NXPE3: variants seen among roughly 807,000 people sequenced by gnomAD.
The protein encoded by NXPE3 is neurexophilin and PC-esterase domain family member 3, also known as NXPE family member 3.
NXPE3 carries 26 observed loss-of-function variants against 46.1 expected under a neutral mutation model. That is an observed-to-expected ratio of 0.56 (90% confidence interval 0.41 to 0.78). The LOEUF (loss-of-function observed/expected upper bound fraction) is 0.78. Among genes scored for constraint, NXPE3 ranks in the 30% least tolerant of loss-of-function variants. The pLI, the probability that NXPE3 is intolerant of heterozygous loss-of-function variation, is 0.00. For synonymous variants in NXPE3, 272 were observed against 257.9 expected, an observed-to-expected ratio of 1.05 and a Z score of -0.52; for missense variants, 620 against 686.0, an observed-to-expected ratio of 0.90 and a Z score of 1.07.
chr3:101,788,639 G>C (rs565253706), intron 4 of NXPE3, among the ~76,000 whole-genome samples: 107 of 151,202 alleles, frequency 7.1e-4, no homozygotes, highest in Non-Finnish European at 4.4e-5. Context: ...TTTTTGAGAC[G>C]GAGTCTTGCT....
intron 6 of NXPE3, among the ~76,000 whole-genome samples, chr3:101,815,111 TCTACA>T (rs1230148806): frequency 2.0e-5 from 3 of 152,246 alleles, no homozygotes; most frequent in African/African-American, 7.2e-5. Context: ...TGTGGCATTT[TCTACA>T]GGAGGTGTTA....
rs1462404053 is a variant in NXPE3 at position 101,821,623 on chromosome 3, C to G, written c.1349C>G (p.Thr450Ser). 2 of 1,614,096 alleles carry G rather than the reference C, an allele frequency of 1.2e-6. No individual in the cohort carries two copies. The highest frequency in any genetic ancestry group is 2.2e-5 in the East Asian group (1 of 44,896). Residue 450 changes from threonine to serine, a missense_variant, in exon 8 of 8, where the codon ACC becomes AGC. Coordinates refer to ENST00000273347, the MANE Select transcript of NXPE3 (RefSeq NM_145037.4). ...VAIAVWSHFS[T>S]FPLEVYIRRL... ...ATAGCTGTATGGTCTCACTTCAGCACCTTCCCTTTGGAAGTGTACATCCGG... is the reference window on the plus strand; with the variant it reads ...ATAGCTGTATGGTCTCACTTCAGCAGCTTCCCTTTGGAAGTGTACATCCGG...
At position 101,785,819 on chromosome 3, in the gene NXPE3, A is replaced by G; in HGVS notation, c.93+130A>G. The G allele has an allele frequency of 4.1e-6, 3 of 733,474 alleles. No homozygotes were observed. In the South Asian group the frequency reaches 4.6e-5, roughly 11 times the overall value. The allele number at this position is 733,474 out of a possible 1,614,324, so 45.4% of individuals were successfully genotyped here. A position where few individuals can be genotyped will look rare whatever the true frequency, so the allele number is the denominator to read the frequency against. On this transcript the variant is annotated intron_variant, in intron 4 of 7. Transcript: ENST00000273347. ...AGTTCTTGTTTTCATTTATTCGGTA[A>G]GTATTTGCGTGCTCACAATGGTTAT...
At position 101,821,729 on chromosome 3, in the gene NXPE3, C is replaced by T. The variant is rs763150196; in HGVS notation, c.1455C>T (p.Asn485=). The change falls in exon 8 of 8, where the codon AAC becomes AAT. Residue 485 remains asparagine, a synonymous_variant. Coordinates refer to ENST00000273347, the MANE Select transcript of NXPE3 (RefSeq NM_145037.4). ...CCGTGGTGGTCATCCGGACGGCCAA[C>T]GCCCAAGAGCTGGGACCTGAGGTGA... ...PKTVVVIRTA[N]AQELGPEVSL... 22 of 1,614,102 alleles carry T rather than the reference C, an allele frequency of 1.4e-5. No homozygotes were observed. Among genetic ancestry groups the T allele is most frequent in the East Asian group, 2.2e-5 (1 of 44,900 alleles).
chr3:101,813,132 C>G (rs2107335085), intron 6 of NXPE3, among the ~76,000 whole-genome samples: 1 of 152,306 alleles, frequency 6.6e-6, no homozygotes, highest in East Asian at 1.9e-4. Flanking sequence ...CCTCATCCTG[C>G]TGAGGGCTGT....
At chr3:101,800,535 C>T (rs1352008828) in intron 4 of NXPE3, among the ~76,000 whole-genome samples, 2 of 152,158 alleles carry the variant, frequency 1.3e-5, no homozygotes, top group Non-Finnish European at 2.9e-5. Flanking sequence ...ATTGATGGTG[C>T]TGTTGAATTC....
chr3:101,801,596 A>G lies in NXPE3; in HGVS notation c.455A>G (p.Lys152Arg), dbSNP rs1209514508. The G allele has an allele frequency of 1.2e-6, 2 of 1,614,144 alleles. No homozygotes were observed. The highest frequency in any genetic ancestry group is 1.1e-5 in the South Asian group (1 of 91,080). Reference sequence around the variant, plus strand: ...CTGCAGGCCAGAATTCACTCCCTCAAGCTGCAGGCTGGGGCTGTGGGCAGG... The same window carrying G: ...CTGCAGGCCAGAATTCACTCCCTCAGGCTGCAGGCTGGGGCTGTGGGCAGG... The part of the protein sequence containing the change: ...DYLQARIHSL[K>R]LQAGAVGRVV... Residue 152 changes from lysine (K) to arginine (R), a missense_variant, in exon 5 of 8, where the codon AAG becomes AGG. Physicochemically the swap from Lys to Arg is conservative, Grantham distance 26 (BLOSUM62 2). Around this residue, in one of 3 missense-constraint regions of NXPE3, gnomAD observed 511 missense variants for 528.6 expected, o/e 0.97. Coordinates refer to ENST00000273347, the MANE Select transcript of NXPE3 (RefSeq NM_145037.4).
intron 1 of NXPE3, 119 bp from the exon 2 acceptor site, chr3:101,781,991 C>G (rs1199825459): frequency 6.6e-6 from 1 of 152,152 alleles, no homozygotes; most frequent in African/African-American, 2.4e-5. Flanking sequence ...GCCCACTCCT[C>G]CCACTATATC....
intron 4 of NXPE3, among the ~76,000 whole-genome samples, chr3:101,794,583 C>T (rs1235063581): frequency 6.6e-6 from 1 of 152,104 alleles, no homozygotes; most frequent in Non-Finnish European, 1.5e-5. Context: ...ATTTCAAGAC[C>T]TTAAGTGTGC....
intron 4 of NXPE3, among the ~76,000 whole-genome samples, chr3:101,791,830 C>T (rs1190523128): frequency 1.3e-5 from 2 of 152,238 alleles, no homozygotes; most frequent in East Asian, 1.9e-4. Context: ...CTGGTGGAAT[C>T]GTAGTTCTGC....
rs1173738093 is a variant in NXPE3, at chr3:101,793,333, T to C, written c.93+7644T>C. Among the ~76,000 whole-genome samples the C allele has an allele frequency of 3.3e-5, 5 of 152,158 alleles. No individual in the cohort carries two copies. In the East Asian group the frequency reaches 9.6e-4, roughly 29 times the overall value. ...GGTGAGAGGTGACATGCTTTTCTTG[T>C]GCTGGTTTTCACGGGGAATGCTTCC... On this transcript the variant is annotated intron_variant, in intron 4 of 7. Coordinates refer to ENST00000273347, the MANE Select transcript of NXPE3 (RefSeq NM_145037.4).
In NXPE3 at chr3:101,786,457, A is replaced by C. The variant is rs192579576; in HGVS notation, c.93+768A>C. ...TGCTGGAATCAACTTTGTGGTTTTT[A>C]GCAGAACACCTAATCTCTCTGTGAA... On this transcript the variant is annotated intron_variant, in intron 4 of 7. Coordinates refer to ENST00000273347, the MANE Select transcript of NXPE3 (RefSeq NM_145037.4). 5.4e-3 allele frequency among the ~76,000 whole-genome samples: 816 copies of C among 152,328 alleles called. 6 individuals are homozygous for C. The highest frequency in any genetic ancestry group is 8.0e-3 in the Non-Finnish European group (547 of 68,028).
rs1054323111 is a variant in NXPE3 at position 101,823,322 on chromosome 3, A to G, written c.*1368A>G. ...GATCTTACTTTCCTGTCCTTGAGGAACACCTTCAAGTTTTTAAAGTATTTT... is the reference window on the plus strand; with the variant it reads ...GATCTTACTTTCCTGTCCTTGAGGAGCACCTTCAAGTTTTTAAAGTATTTT... On this transcript the variant is annotated 3_prime_UTR_variant, in exon 8 of 8. Transcript: ENST00000273347. 1.1e-4 allele frequency: 17 copies of G among 152,288 alleles called. No homozygotes were observed. Among genetic ancestry groups the G allele is most frequent in the Admixed American group, 9.8e-4 (15 of 15,298 alleles). 9.4% of individuals were successfully genotyped at this position (152,288 alleles called of 1,614,324 possible). A position where few individuals can be genotyped will look rare whatever the true frequency, so the allele number is the denominator to read the frequency against.
chr3:101,787,419 G>A (rs1201291667), intron 4 of NXPE3, among the ~76,000 whole-genome samples: 1 of 152,160 alleles, frequency 6.6e-6, no homozygotes, highest in Non-Finnish European at 1.5e-5. Context: ...CGATTCTCAT[G>A]CCTCAGCCTT....
rs562852942 is a variant in NXPE3, at chr3:101,803,363, A to G, written c.848+1374A>G. 1.4e-4 allele frequency among the ~76,000 whole-genome samples: 21 copies of G among 152,356 alleles called. No individual in the cohort carries two copies. The South Asian group carries it at 3.9e-3, about 29-fold the overall frequency. ...GTTCATGCCATACTTTTAGAAGGCCAGCAGAGGGAGCACTACTCAATGTAC... is the reference window on the plus strand; with the variant it reads ...GTTCATGCCATACTTTTAGAAGGCCGGCAGAGGGAGCACTACTCAATGTAC... On this transcript the variant is annotated intron_variant, in intron 5 of 7. Coordinates refer to ENST00000273347, the MANE Select transcript of NXPE3 (RefSeq NM_145037.4).
intron 5 of NXPE3, among the ~76,000 whole-genome samples, chr3:101,802,336 G>C (rs561739538): frequency 7.5e-6 from 1 of 134,080 alleles, no homozygotes; most frequent in South Asian, 2.3e-4. Flanking sequence ...GTTATCTAAG[G>C]GTCAGATGTG....
intron 5 of NXPE3, among the ~76,000 whole-genome samples, chr3:101,803,130 AT>A (rs995363029): frequency 6.6e-6 from 1 of 152,142 alleles, no homozygotes; most frequent in African/African-American, 2.4e-5. Flanking sequence ...GGTAGAGAGA[AT>A]TTTTTTGTTG....
In NXPE3 at chr3:101,798,537, A is replaced by G. The variant is rs532483540; in HGVS notation, c.94-2698A>G. 2.3e-3 allele frequency among the ~76,000 whole-genome samples: 337 copies of G among 146,226 alleles called. 1 individual carries two copies. Among genetic ancestry groups the G allele is most frequent in the African/African-American group, 7.1e-3 (287 of 40,172 alleles). ...TATGTATGTGTATATATGTATGTAT[A>G]TATGTATGTAGATATATGTCTATAT... On this transcript the variant is annotated intron_variant, in intron 4 of 7. Coordinates refer to ENST00000273347, the MANE Select transcript of NXPE3 (RefSeq NM_145037.4).
At chr3:101,789,882 G>T (rs1940403485) in intron 4 of NXPE3, among the ~76,000 whole-genome samples, 1 of 151,856 alleles carries the variant, frequency 6.6e-6, no homozygotes, top group South Asian at 2.1e-4. Context: ...GCAGAGATGG[G>T]GTCTCACTAT....
Sources: allele counts gnomAD v4.1 joint callset (sites outside exome capture counted in the v4.1 genomes callset), GRCh38; gene constraint gnomAD v4.1.1; regional missense constraint gnomAD v4.1.1; transcripts MANE v1.5; gene names NCBI Gene and HGNC (gene_info 2026-07-23, HGNC 2026-07-21).